The following BMP7 variants were observed in gnomAD, a reference collection of about 807,000 sequenced individuals.
BMP7 encodes the protein osteogenic protein 1.
In BMP7, 12 loss-of-function variants were observed where a neutral mutation model predicts 41.2. The observed-to-expected ratio is 0.29, with a 90% confidence interval of 0.19 to 0.47. The LOEUF is 0.47. BMP7 is among the 20% of genes least tolerant of loss of function. The pLI is 0.99. For missense variants in BMP7, 467 were observed against 606.0 expected (o/e 0.77, Z 2.41); for synonymous variants, 248 against 250.0 (o/e 0.99, Z 0.07).
chr20:57,187,142 G>A (rs899859347), intron 3 of BMP7: 1 of 152,234 alleles, frequency 6.6e-6, no homozygotes, highest in Non-Finnish European at 1.5e-5. Context: ...CACATCCAGG[G>A]AGCCACAGCC....
chr20:57,221,040 G>C (rs188014599), intron 2 of BMP7, among the ~76,000 whole-genome samples: 1 of 152,136 alleles, frequency 6.6e-6, no homozygotes, highest in Non-Finnish European at 1.5e-5. Flanking sequence ...TCATCCTTTC[G>C]TGCATTTGGT....
rs561328465 is a variant in BMP7, at chr20:57,241,039, C to T, written c.419-12618G>A. Among the ~76,000 whole-genome samples, 5 of 152,334 alleles carry T rather than the reference C, an allele frequency of 3.3e-5. No individual in the cohort carries two copies. In the South Asian group the frequency reaches 1.0e-3, roughly 32 times the overall value. On this transcript the variant is annotated intron_variant, in intron 1 of 6. Coordinates refer to ENST00000395863, the MANE Select transcript of BMP7 (RefSeq NM_001719.3). ...TCATCTCACTGAATCCTTATGAAAA[C>T]CCCTCTCAGAGGCAGGGGGACACAT...
intron 4 of BMP7, among the ~76,000 whole-genome samples, chr20:57,180,114 T>A (rs3787382): frequency 6.6e-6 from 1 of 151,956 alleles, no homozygotes. Flanking sequence ...CTCCGGCCTC[T>A]GAGCACCCCC....
chr20:57,209,110 G>A (rs551682300), intron 2 of BMP7, among the ~76,000 whole-genome samples: 1 of 151,622 alleles, frequency 6.6e-6, no homozygotes, highest in African/African-American at 2.4e-5. Context: ...CCCTGAGGTC[G>A]GGAGTTCGAG....
chr20:57,220,619 A>T (rs230214), intron 2 of BMP7, among the ~76,000 whole-genome samples: 74,544 of 151,968 alleles, frequency 0.49, 19,018 homozygotes, highest in Middle Eastern at 0.55. Flanking sequence ...AGTGTAAAGA[A>T]CCCCAGGCTG....
At chr20:57,208,692 A>G (rs1397786386) in intron 2 of BMP7, among the ~76,000 whole-genome samples, 1 of 152,218 alleles carries the variant, frequency 6.6e-6, no homozygotes, top group Non-Finnish European at 1.5e-5. Flanking sequence ...GTGTCCATCA[A>G]CTCATGAACA....
Position 57,228,537 on chromosome 20 carries a change from A to ACTGGGGTCACTGGCAATGG in BMP7, c.419-117_419-116insCCATTGCCAGTGACCCCAG. On this transcript the variant is annotated intron_variant, in intron 1 of 6. Coordinates refer to ENST00000395863, the MANE Select transcript of BMP7 (RefSeq NM_001719.3). The surrounding 1 kb of genome is among the most constrained non-coding windows in gnomAD (Gnocchi z 4.5). ...GCTAGATGGAGGCATGCCCATTGCCAGTGACCCCAGTGACAACTGCTCCTT... is the reference window on the plus strand; with the variant it reads ...GCTAGATGGAGGCATGCCCATTGCCACTGGGGTCACTGGCAATGGGTGACCCCAGTGACAACTGCTCCTT... The ACTGGGGTCACTGGCAATGG allele has an allele frequency of 8.3e-7, 1 of 1,211,690 alleles. No individual in the cohort carries two copies. The highest frequency in any genetic ancestry group is 1.2e-6 in the Non-Finnish European group (1 of 824,938). 75.1% of individuals were successfully genotyped at this position (1,211,690 alleles called of 1,614,324 possible).
chr20:57,197,709 G>A (rs1984526276), intron 3 of BMP7, among the ~76,000 whole-genome samples: 1 of 152,244 alleles, frequency 6.6e-6, no homozygotes, highest in Non-Finnish European at 1.5e-5. Flanking sequence ...CAGACAGGGT[G>A]CTGGGCCCAG....
intron 3 of BMP7, among the ~76,000 whole-genome samples, chr20:57,190,237 A>T (rs1269294325): frequency 2.0e-5 from 3 of 148,880 alleles, no homozygotes; most frequent in African/African-American, 7.6e-5. Context: ...GGCTGGAGAG[A>T]GTGACCGAGG....
chr20:57,172,569 G>T (rs1983836475), intron 6 of BMP7, among the ~76,000 whole-genome samples: 1 of 152,156 alleles, frequency 6.6e-6, no homozygotes, highest in South Asian at 2.1e-4. Context: ...TCATGACAGG[G>T]AGCTACATAA....
chr20:57,176,112 G>A (rs1482912946), intron 4 of BMP7, among the ~76,000 whole-genome samples: 1 of 152,222 alleles, frequency 6.6e-6, no homozygotes, highest in Non-Finnish European at 1.5e-5. Flanking sequence ...AAAAGACATA[G>A]AGACTTCTGG....
chr20:57,242,180 T>C (rs2066072414), intron 1 of BMP7, among the ~76,000 whole-genome samples: 1 of 152,210 alleles, frequency 6.6e-6, no homozygotes, highest in Non-Finnish European at 1.5e-5. Flanking sequence ...GAAGGCACCC[T>C]GGGCATTGTC....
At chr20:57,256,964 A>G (rs1233735634) in intron 1 of BMP7, among the ~76,000 whole-genome samples, 2 of 152,240 alleles carry the variant, frequency 1.3e-5, no homozygotes, top group Admixed American at 1.3e-4. Flanking sequence ...ACAGACAAAA[A>G]TAGAAATTTT....
chr20:57,202,683 C>T (rs1984651351), intron 2 of BMP7, 60 bp from the exon 3 acceptor site: 1 of 1,212,276 alleles, frequency 8.2e-7, no homozygotes, highest in Admixed American at 1.9e-5. Context: ...TCCACTACCC[C>T]AACAGATGGG....
chr20:57,218,100 G>T (rs936448624), intron 2 of BMP7, among the ~76,000 whole-genome samples: 1 of 152,244 alleles, frequency 6.6e-6, no homozygotes, highest in African/African-American at 2.4e-5. Context: ...GTCACACAGG[G>T]CCCGACACAC....
chr20:57,248,867 C>G (rs375916213), intron 1 of BMP7, among the ~76,000 whole-genome samples: 2 of 151,698 alleles, frequency 1.3e-5, no homozygotes, highest in African/African-American at 4.8e-5. Flanking sequence ...GGTGTGATCT[C>G]GGCTCACTGC....
intron 2 of BMP7, among the ~76,000 whole-genome samples, chr20:57,212,304 G>A (rs1205464724): frequency 1.3e-5 from 2 of 152,236 alleles, no homozygotes; most frequent in African/African-American, 4.8e-5. Context: ...ACCGAATGCG[G>A]AAGTCATGAT....
rs1295414010 is a variant in BMP7, at chr20:57,266,036, G to T, written c.87C>A (p.Ala29=). Residue 29 remains alanine, a synonymous_variant, in exon 1 of 7, where the codon GCC becomes GCA. Coordinates refer to ENST00000395863, the MANE Select transcript of BMP7 (RefSeq NM_001719.3). Reference sequence around the variant, plus strand: ...GCACCTCGTTGTCCAGGCTGAAGTCGGCCAGGGCGGAGCGCAGCAGGAACA... The same window carrying T: ...GCACCTCGTTGTCCAGGCTGAAGTCTGCCAGGGCGGAGCGCAGCAGGAACA... The part of the protein sequence containing the change: ...APLFLLRSAL[A]DFSLDNEVHS... 6.5e-7 allele frequency: 1 copy of T among 1,545,880 alleles called. No individual in the cohort carries two copies. Among genetic ancestry groups the T allele is most frequent in the East Asian group, 2.4e-5 (1 of 40,898 alleles).
intron 4 of BMP7, chr20:57,177,737 G>A (rs900971379): frequency 8.5e-5 from 13 of 152,252 alleles, no homozygotes; most frequent in African/African-American, 3.1e-4. Context: ...AATCACATGT[G>A]TGATTCCTGA....
Sources: gnomAD v4.1 joint callset for allele counts (sites outside exome capture counted in the v4.1 genomes callset) on GRCh38, gnomAD v4.1.1 for gene constraint, Gnocchi (gnomAD v3.1) non-coding constraint, MANE v1.5 for transcripts, NCBI Gene and HGNC (gene_info 2026-07-23, HGNC 2026-07-21) for gene names.